The following ZNF451 variants were observed in gnomAD, a reference collection of about 807,000 sequenced individuals.
The protein encoded by ZNF451 is E3 SUMO-protein ligase ZNF451.
A neutral mutation model predicts 107.1 loss-of-function variants in ZNF451; 80 were observed. That is an observed-to-expected ratio of 0.75 (90% confidence interval 0.62 to 0.90). The LOEUF is 0.90. Among genes scored for constraint, ZNF451 ranks in the 40% least tolerant of loss-of-function variants. The pLI, the probability that ZNF451 is intolerant of heterozygous loss-of-function variation, is 0.00. For missense variants in ZNF451, 1,107 were observed against 1,236.2 expected (o/e 0.90, Z 1.57); for synonymous variants, 362 against 406.5 (o/e 0.89, Z 1.32).
intron 3 of ZNF451, among the ~76,000 whole-genome samples, chr6:57,114,740 A>G (rs1225818882): frequency 1.3e-5 from 2 of 152,220 alleles, no homozygotes. Flanking sequence ...ATGTTCCCAA[A>G]CAAAAGACTG....
intron 3 of ZNF451, chr6:57,105,458 G>A: frequency 1.0e-6 from 1 of 985,264 alleles, no homozygotes; most frequent in Non-Finnish European, 1.2e-6. Context: ...TGGTATTTAT[G>A]TGAATTTTGT....
chr6:57,093,158 C>CT, intron 2 of ZNF451: 1 of 152,216 alleles, frequency 6.6e-6, no homozygotes, highest in South Asian at 2.1e-4. Flanking sequence ...TTCTAAAAAA[C>CT]TAATAGCTGA....
In ZNF451 at chr6:57,103,263, TG is replaced by T; in HGVS notation, c.186+4123del. On this transcript the variant is annotated intron_variant, in intron 3 of 14. Coordinates refer to ENST00000370706, the MANE Select transcript of ZNF451 (RefSeq NM_001031623.3). ...ATTTAAAGCATAGCTGTGGATGTGG[TG>T]AAGAGAACAAGCCACACAGCTCTGT... 4.1e-6 allele frequency: 4 copies of T among 985,434 alleles called. No individual in the cohort carries two copies. The South Asian group carries it at 1.9e-4, about 46-fold the overall frequency. 61.0% of individuals were successfully genotyped at this position (985,434 alleles called of 1,614,324 possible).
At chr6:57,156,990 C>G (rs755448641) in intron 13 of ZNF451, among the ~76,000 whole-genome samples, 29 of 152,148 alleles carry the variant, frequency 1.9e-4, no homozygotes, top group Non-Finnish European at 3.5e-4. Context: ...GCTGTGCGGC[C>G]CAGTTCTTAA....
intron 3 of ZNF451, among the ~76,000 whole-genome samples, chr6:57,113,451 TTTGAG>T (rs1410366796): frequency 1.3e-5 from 2 of 152,110 alleles, no homozygotes; most frequent in Non-Finnish European, 2.9e-5. Flanking sequence ...CCGCATTCCC[TTTGAG>T]TTAATATTTG....
At position 57,147,386 on chromosome 6, in the gene ZNF451, A is replaced by C; in HGVS notation, c.1301A>C (p.Lys434Thr). ...FSSLKRTMSI[K>T]ESSSLECIAI... ...TCACTTAAAAGAACCATGTCTATTA[A>C]AGAATCTAGCTCACTGGAGTGCATT... Residue 434 changes from lysine to threonine, a missense_variant, in exon 10 of 15, where the codon AAA (lysine) becomes ACA (threonine). By Grantham distance (78) the Lys-to-Thr change is moderately conservative. Transcript: ENST00000370706. 1 of 1,614,122 alleles carries C rather than the reference A, an allele frequency of 6.2e-7. No individual in the cohort carries two copies. The highest frequency in any genetic ancestry group is 8.5e-7 in the Non-Finnish European group (1 of 1,179,974).
intron 3 of ZNF451, chr6:57,108,118 C>G: frequency 1.0e-6 from 1 of 983,846 alleles, no homozygotes; most frequent in Non-Finnish European, 1.2e-6. Context: ...GGATTACAGG[C>G]GTGAGCCACA....
chr6:57,105,479 A>T, intron 3 of ZNF451: 1 of 985,304 alleles, frequency 1.0e-6, no homozygotes, highest in African/African-American at 1.7e-5. Flanking sequence ...ACAGTGATTT[A>T]ATCTTGTAGT....
chr6:57,125,455 A>G (rs1830886104), intron 4 of ZNF451, among the ~76,000 whole-genome samples: 1 of 152,182 alleles, frequency 6.6e-6, no homozygotes, highest in African/African-American at 2.4e-5. Context: ...TAGGAGCAGA[A>G]TGTTGATATA....
intron 6 of ZNF451, chr6:57,134,174 T>G (rs543314299): frequency 1.3e-5 from 2 of 152,398 alleles, no homozygotes; most frequent in Non-Finnish European, 2.9e-5. Context: ...CTAGAGGGAG[T>G]TGTAGCATTC....
chr6:57,090,189 T>C lies in ZNF451; in HGVS notation c.-65T>C. 6.4e-7 allele frequency: 1 copy of C among 1,570,150 alleles called. No individual in the cohort carries two copies. The highest frequency in any genetic ancestry group is 8.6e-7 in the Non-Finnish European group (1 of 1,157,126). ...CAGGCGGTGCAGGGCGGGAAGGGGA[T>C]TCGTGGCGACGGCGGCGGCAGGGAC... On this transcript the variant is annotated 5_prime_UTR_variant, in exon 1 of 15. Transcript: ENST00000370706.
At chr6:57,163,629 T>C (rs1763777462) in intron 14 of ZNF451, among the ~76,000 whole-genome samples, 1 of 150,512 alleles carries the variant, frequency 6.6e-6, no homozygotes, top group African/African-American at 2.4e-5. Context: ...TTTTTGTATT[T>C]TTAGTAGAGA....
chr6:57,146,264 A>G (rs1262650604), intron 9 of ZNF451, among the ~76,000 whole-genome samples: 3 of 152,090 alleles, frequency 2.0e-5, no homozygotes, highest in East Asian at 1.9e-4. Flanking sequence ...TTCTTTTGCT[A>G]TGCTTAAGCT....
chr6:57,160,516 G>A (rs1300069163), intron 13 of ZNF451, among the ~76,000 whole-genome samples: 1 of 151,942 alleles, frequency 6.6e-6, no homozygotes, highest in Non-Finnish European at 1.5e-5. Context: ...TGTATTTTTG[G>A]TAGAGACAGG....
intron 9 of ZNF451, among the ~76,000 whole-genome samples, chr6:57,144,598 C>T (rs1831967502): frequency 6.6e-6 from 1 of 151,978 alleles, no homozygotes; most frequent in African/African-American, 2.4e-5. Context: ...TTATCTTTGC[C>T]CTTTTGATTT....
chr6:57,121,083 A>AT (rs1340564247), intron 3 of ZNF451, among the ~76,000 whole-genome samples: 1 of 151,996 alleles, frequency 6.6e-6, no homozygotes, highest in Non-Finnish European at 1.5e-5. Flanking sequence ...CAGGGTCTAG[A>AT]TTCATTGTTT....
chr6:57,162,585 G>A (rs563806169), intron 14 of ZNF451, among the ~76,000 whole-genome samples: 5 of 152,298 alleles, frequency 3.3e-5, no homozygotes, highest in South Asian at 2.1e-4. Flanking sequence ...ACTTTTGTGC[G>A]TTTTGAACAA....
chr6:57,119,185 T>A (rs982401475), intron 3 of ZNF451, among the ~76,000 whole-genome samples: 3 of 152,314 alleles, frequency 2.0e-5, no homozygotes, highest in Admixed American at 2.0e-4. Context: ...TGTGACTGAT[T>A]TGCCCAAAGA....
chr6:57,122,007 T>G (rs929661927), intron 3 of ZNF451, among the ~76,000 whole-genome samples: 1 of 144,944 alleles, frequency 6.9e-6, no homozygotes, highest in African/African-American at 2.4e-5. Context: ...CAAACCAGTA[T>G]GGTACTGTTA....
Sources: allele counts gnomAD v4.1 joint callset (sites outside exome capture counted in the v4.1 genomes callset), GRCh38; gene constraint gnomAD v4.1.1; transcripts MANE v1.5; gene names NCBI Gene and HGNC (gene_info 2026-07-23, HGNC 2026-07-21).